NCOR1: variants seen among roughly 807,000 people sequenced by gnomAD.
NCOR1 encodes the protein protein phosphatase 1, regulatory subunit 109.
A neutral mutation model predicts 288.1 loss-of-function variants in NCOR1; 63 were observed. That is an observed-to-expected ratio of 0.22 (90% CI 0.18 to 0.27). NCOR1 has a LOEUF of 0.27. Among genes scored for constraint, NCOR1 ranks in the 10% least tolerant of loss-of-function variants. The pLI, the probability that NCOR1 is intolerant of heterozygous loss-of-function variation, is 1.00. For synonymous variants in NCOR1, 1,007 were observed against 1,065.9 expected, an observed-to-expected ratio of 0.94 and a Z score of 1.08; for missense variants, 2,397 against 3,019.2, an observed-to-expected ratio of 0.79 and a Z score of 4.83.
intron 2 of NCOR1, among the ~76,000 whole-genome samples, chr17:16,189,875 C>G (rs997592230): frequency 6.6e-6 from 1 of 152,104 alleles, no homozygotes; most frequent in African/African-American, 2.4e-5. Context: ...TAGAAGCAAA[C>G]AGCAAATAAT....
intron 13 of NCOR1, 85 bp downstream of exon 13, chr17:16,138,073 C>T: frequency 9.4e-7 from 1 of 1,067,380 alleles, no homozygotes; most frequent in East Asian, 2.4e-5. Context: ...TTCTAGTTAA[C>T]TACTTATATG....
In NCOR1 at chr17:16,058,038, G is replaced by T; in HGVS notation, c.6037C>A (p.Pro2013Thr). Residue 2013 changes from proline to threonine, a missense_variant, in exon 39 of 46, where the codon CCA becomes ACA. Pro to Thr is a conservative substitution (Grantham distance 38, BLOSUM62 -1). Coordinates refer to ENST00000268712, the MANE Select transcript of NCOR1 (RefSeq NM_006311.4). ...TGCTGTGGTCGATAGTGATGTAATG[G>T]TCCTTCATATTGTCTGGTAGGATCA... ...ENDPTRQYEGPLHHYRPQQES... is the reference protein window; with the variant it reads ...ENDPTRQYEGTLHHYRPQQES... 1 of 1,614,116 alleles carries T rather than the reference G, an allele frequency of 6.2e-7. No homozygotes were observed. The highest frequency in any genetic ancestry group is 8.5e-7 in the Non-Finnish European group (1 of 1,180,018).
At chr17:16,155,868 C>T (rs2079675293) in intron 6 of NCOR1, among the ~76,000 whole-genome samples, 1 of 152,168 alleles carries the variant, frequency 6.6e-6, no homozygotes, top group Non-Finnish European at 1.5e-5. Flanking sequence ...CATACTGGGG[C>T]AGAAAAAGCC....
At chr17:16,153,974 T>TA (rs2079278844) in intron 6 of NCOR1, among the ~76,000 whole-genome samples, 1 of 151,502 alleles carries the variant, frequency 6.6e-6, no homozygotes, top group Non-Finnish European at 1.5e-5. Flanking sequence ...GCTCAGTAGT[T>TA]AAAAAATGCT....
At chr17:16,033,667 T>G (rs942830177) in intron 45 of NCOR1, among the ~76,000 whole-genome samples, 1 of 152,228 alleles carries the variant, frequency 6.6e-6, no homozygotes, top group African/African-American at 2.4e-5. Context: ...AAAAGTCTGT[T>G]GCTTTTTAAA....
chr17:16,070,623 G>A (rs1331503728), intron 30 of NCOR1, 98 bp from the exon 31 acceptor site: 1 of 1,478,418 alleles, frequency 6.8e-7, no homozygotes, highest in Non-Finnish European at 9.1e-7. Flanking sequence ...AGTTCACTGT[G>A]GTGATCTTTT....
chr17:16,174,890 G>T (rs543065947), intron 3 of NCOR1, among the ~76,000 whole-genome samples: 1 of 151,912 alleles, frequency 6.6e-6, no homozygotes, highest in African/African-American at 2.4e-5. Context: ...TCCACTCCTA[G>T]GTATCTAACT....
chr17:16,055,770 A>G (rs982645118), intron 40 of NCOR1, among the ~76,000 whole-genome samples: 3 of 152,242 alleles, frequency 2.0e-5, no homozygotes, highest in African/African-American at 7.2e-5. Flanking sequence ...GGACCATGAC[A>G]ATGCTATATA....
At chr17:16,072,734 A>G (rs146670646) in intron 28 of NCOR1, among the ~76,000 whole-genome samples, 235 of 152,368 alleles carry the variant, frequency 1.5e-3, no homozygotes, top group Non-Finnish European at 2.7e-3. Flanking sequence ...ATTTACAGTA[A>G]AAGTGTGTGT....
At position 16,171,105 on chromosome 17, in the gene NCOR1, C is replaced by A. The variant is rs183066177; in HGVS notation, c.435+698G>T. 1.1e-3 allele frequency among the ~76,000 whole-genome samples: 170 copies of A among 152,000 alleles called. 1 individual carries two copies. Among genetic ancestry groups the A allele is most frequent in the African/African-American group, 3.9e-3 (162 of 41,508 alleles). ...AAATGTTCTTACCACCAAAAAAAAACTATGTGAGGTGATGAATATGTTAAT... is the reference window on the plus strand; with the variant it reads ...AAATGTTCTTACCACCAAAAAAAAAATATGTGAGGTGATGAATATGTTAAT... On this transcript the variant is annotated intron_variant, in intron 4 of 45. Transcript: ENST00000268712.
chr17:16,101,979 A>T (rs569471256), intron 19 of NCOR1, among the ~76,000 whole-genome samples: 72 of 152,356 alleles, frequency 4.7e-4, no homozygotes, highest in African/African-American at 1.7e-3. Context: ...AAAGTGAAAG[A>T]TCAAATTATC....
At position 16,186,548 on chromosome 17, in the gene NCOR1, C is replaced by T. The variant is rs759074555; in HGVS notation, c.242+6G>A. The T allele has an allele frequency of 6.2e-7, 1 of 1,612,992 alleles. No homozygotes were observed. The highest frequency in any genetic ancestry group is 2.2e-5 in the East Asian group (1 of 44,854). ...CTAGATAGAAACATAAAAGAAACCT[C>T]ATTACCTGTCAGAACCTGGGTGAAA... is the stretch of plus-strand genomic sequence containing the variant. On this transcript the variant is annotated splice_donor_region_variant and intron_variant, in intron 3 of 45. Transcript: ENST00000268712.
intron 2 of NCOR1, among the ~76,000 whole-genome samples, chr17:16,194,055 T>C (rs1407290591): frequency 6.6e-6 from 1 of 152,206 alleles, no homozygotes; most frequent in Non-Finnish European, 1.5e-5. Context: ...TCCTACCTAC[T>C]ATACAAATCT....
Position 16,061,454 on chromosome 17 carries a change from G to A in NCOR1, c.5828C>T (p.Ser1943Leu), listed in dbSNP as rs1189783787. The A allele has an allele frequency of 3.1e-6, 5 of 1,614,162 alleles. No homozygotes were observed. The highest frequency in any genetic ancestry group is 2.5e-6 in the Non-Finnish European group (3 of 1,180,022). ...GCCACGTTCCCTCGCATCCTTGTCC[G>A]AGGCAATTTGCCGGGTGATGATCAC... ...IDVIITRQIA[S>L]DKDARERGSQ... Residue 1943 changes from serine (S) to leucine (L), a missense_variant, in exon 37 of 46, where the codon TCG (serine) becomes TTG (leucine). Physicochemically the swap from Ser to Leu is moderately radical, Grantham distance 145 (BLOSUM62 -2). Coordinates refer to ENST00000268712, the MANE Select transcript of NCOR1 (RefSeq NM_006311.4).
chr17:16,129,932 C>A (rs2075342375), intron 14 of NCOR1, among the ~76,000 whole-genome samples: 1 of 152,208 alleles, frequency 6.6e-6, no homozygotes, highest in Non-Finnish European at 1.5e-5. Context: ...TAAAATCCAA[C>A]CAACAGATAA....
At chr17:16,129,005 A>G (rs2075191577) in intron 14 of NCOR1, among the ~76,000 whole-genome samples, 1 of 152,184 alleles carries the variant, frequency 6.6e-6, no homozygotes. Flanking sequence ...GGTGTTATGG[A>G]ATGACTTCTT....
In NCOR1 at chr17:16,127,217, ATG is replaced by A. The variant is rs2074297286; in HGVS notation, c.1510-1013_1510-1012del. On this transcript the variant is annotated intron_variant, in intron 14 of 45. Coordinates refer to ENST00000268712, the MANE Select transcript of NCOR1 (RefSeq NM_006311.4). Reference sequence around the variant, plus strand: ...TATATACATGTATGTATATATCTGTATGTATATATACATGTATGCATATATGT... The same window carrying A: ...TATATACATGTATGTATATATCTGTATATATATACATGTATGCATATATGT... Among the ~76,000 whole-genome samples, 4 of 145,732 alleles carry A rather than the reference ATG, an allele frequency of 2.7e-5. No homozygotes were observed. The Admixed American group carries it at 2.7e-4, about 10-fold the overall frequency.
rs536031858 is a variant in NCOR1 at position 16,096,078 on chromosome 17, G to C, written c.2820+2289C>G. On this transcript the variant is annotated intron_variant, in intron 21 of 45. Coordinates refer to ENST00000268712, the MANE Select transcript of NCOR1 (RefSeq NM_006311.4). ...GTGCTGTGTCCACTCAGGGTTAAAT[G>C]GATTAAGGGTGGTGCAAGATGTGCT... Among the ~76,000 whole-genome samples, 429 of 152,224 alleles carry C rather than the reference G, an allele frequency of 2.8e-3. 3 individuals carry two copies. The highest frequency in any genetic ancestry group is 9.5e-3 in the African/African-American group (396 of 41,544).
chr17:16,137,544 A>C (rs2076601697), intron 13 of NCOR1, 132 bp from the exon 14 acceptor site: 1 of 513,436 alleles, frequency 1.9e-6, no homozygotes, highest in Non-Finnish European at 3.3e-6. Context: ...ATACATTGCT[A>C]GCATTTTAAG....
Sources: allele counts gnomAD v4.1 joint callset (sites outside exome capture counted in the v4.1 genomes callset), GRCh38; gene constraint gnomAD v4.1.1; transcripts MANE v1.5; gene names NCBI Gene and HGNC (gene_info 2026-07-23, HGNC 2026-07-21).